RTTN: variants seen among roughly 807,000 people sequenced by gnomAD.
The protein encoded by RTTN is rotatin.
In RTTN, 182 loss-of-function variants were observed where a neutral mutation model predicts 269.2. The ratio of observed to expected loss-of-function variants is 0.68; its 90% CI spans 0.60 to 0.76. The LOEUF is 0.76. Among genes scored for constraint, RTTN ranks in the 30% least tolerant of loss-of-function variants. The pLI is 0.00. For synonymous variants in RTTN, 1,006 were observed against 963.5 expected, an observed-to-expected ratio of 1.04 and a Z score of -0.82; for missense variants, 2,545 against 2,608.6, an observed-to-expected ratio of 0.98 and a Z score of 0.53.
intron 19 of RTTN, 37 bp from the exon 20 acceptor site, chr18:70,140,225 T>A (rs775743412): frequency 8.3e-7 from 1 of 1,200,376 alleles, no homozygotes; most frequent in South Asian, 1.3e-5. Context: ...TTAAAGCACA[T>A]TTTTTGTAGT....
intron 14 of RTTN, among the ~76,000 whole-genome samples, chr18:70,154,131 T>G (rs1329038143): frequency 6.6e-6 from 1 of 152,110 alleles, no homozygotes; most frequent in African/African-American, 2.4e-5. Context: ...ATATTAAAAT[T>G]TAGAATTTTC....
At chr18:70,169,356 C>A (rs1348530823) in intron 11 of RTTN, among the ~76,000 whole-genome samples, 1 of 152,158 alleles carries the variant, frequency 6.6e-6, no homozygotes, top group Non-Finnish European at 1.5e-5. Flanking sequence ...TCTCCTTGAG[C>A]CCTGCACCTT....
Position 70,065,829 on chromosome 18 carries a change from C to T in RTTN, c.4747G>A (p.Gly1583Ser). Residue 1583 changes from glycine (G) to serine (S), a missense_variant and splice_region_variant, in exon 35 of 49, where the codon GGT (glycine) becomes AGT (serine). Coordinates refer to ENST00000640769, the MANE Select transcript of RTTN (RefSeq NM_173630.4). Reference sequence around the variant, plus strand: ...TAGAATGTCTTCACTAAAAGGATACCTTGAGCCACAAACTGGTCATGGGAG... The same window carrying T: ...TAGAATGTCTTCACTAAAAGGATACTTTGAGCCACAAACTGGTCATGGGAG... ...EASHDQFVAQ[G>S]HQESTSPRPP... 3 of 1,580,802 alleles carry T rather than the reference C, an allele frequency of 1.9e-6. No homozygotes were observed. Among genetic ancestry groups the T allele is most frequent in the South Asian group, 1.2e-5 (1 of 84,618 alleles).
At chr18:70,136,576 T>A (rs777946990) in intron 21 of RTTN, among the ~76,000 whole-genome samples, 2 of 151,728 alleles carry the variant, frequency 1.3e-5, no homozygotes. Context: ...ATGAAGAAAT[T>A]TGAATATATA....
At position 70,119,828 on chromosome 18, in the gene RTTN, AC is replaced by A. The variant is rs778448398; in HGVS notation, c.3528+1727del. Reference sequence around the variant, plus strand: ...TTTTGTGTGCTTCTTGTAATTAACTACATAGCTTATTACTGAGTTAATAAAT... The same window carrying A: ...TTTTGTGTGCTTCTTGTAATTAACTAATAGCTTATTACTGAGTTAATAAAT... On this transcript the variant is annotated intron_variant, in intron 26 of 48. Coordinates refer to ENST00000640769, the MANE Select transcript of RTTN (RefSeq NM_173630.4). Among the ~76,000 whole-genome samples, 4 of 152,356 alleles carry A rather than the reference AC, an allele frequency of 2.6e-5. No individual in the cohort carries two copies. In the East Asian group the frequency reaches 5.8e-4, roughly 22 times the overall value.
rs1381141923 is a variant in RTTN, at chr18:70,004,043, T to C, written c.*108A>G. 2 of 757,814 alleles carry C rather than the reference T, an allele frequency of 2.6e-6. No individual in the cohort carries two copies. Among genetic ancestry groups the C allele is most frequent in the Non-Finnish European group, 4.6e-6 (2 of 436,714 alleles). The allele number at this position is 757,814 out of a possible 1,614,324, so 46.9% of individuals were successfully genotyped here. A position where few individuals can be genotyped will look rare whatever the true frequency, so the allele number is the denominator to read the frequency against. On this transcript the variant is annotated 3_prime_UTR_variant, in exon 49 of 49. Transcript: ENST00000640769. ...ATGGGAAAGAAGGGGATCAACACTT[T>C]GTAGAGAGGTAGCACGTCTTCAGGT...
rs1460933717 is a variant in RTTN, at chr18:70,121,705, A to G, written c.3384-5T>C. 2.6e-6 allele frequency: 4 copies of G among 1,535,236 alleles called. No homozygotes were observed. The African/African-American group carries it at 5.7e-5, about 22-fold the overall frequency. On this transcript the variant is annotated splice_region_variant and splice_polypyrimidine_tract_variant and intron_variant, in intron 25 of 48. Transcript: ENST00000640769. ...GCAGGAAGCACCTGTAAAAACCTATAATGAAAAGACAATAATCATGGTTTC... is the reference window on the plus strand; with the variant it reads ...GCAGGAAGCACCTGTAAAAACCTATGATGAAAAGACAATAATCATGGTTTC...
intron 40 of RTTN, among the ~76,000 whole-genome samples, chr18:70,032,101 G>A (rs116997285): frequency 3.3e-5 from 5 of 152,324 alleles, no homozygotes; most frequent in African/African-American, 4.8e-5. Flanking sequence ...GTCTATAGCG[G>A]AGCATGGCCA....
chr18:70,204,395 C>T lies in RTTN; in HGVS notation c.220-132G>A, dbSNP rs1568568815. The T allele has an allele frequency of 4.9e-6, 4 of 808,162 alleles. No homozygotes were observed. The African/African-American group carries it at 7.0e-5, about 14-fold the overall frequency. The allele number at this position is 808,162 out of a possible 1,614,324, so 50.1% of individuals were successfully genotyped here. On this transcript the variant is annotated intron_variant, in intron 2 of 48. Transcript: ENST00000640769. The stretch of plus-strand genomic sequence containing the variant: ...GAAAAACAAATCCTTCATGGCTCTG[C>T]CCCGAAGTAAGGCACTTCCATGAGG...
chr18:70,201,190 T>C (rs965882698), intron 4 of RTTN, among the ~76,000 whole-genome samples: 1 of 151,906 alleles, frequency 6.6e-6, no homozygotes, highest in South Asian at 2.1e-4. Flanking sequence ...GGTGAGGAAA[T>C]GGGAAAAGAA....
intron 32 of RTTN, among the ~76,000 whole-genome samples, chr18:70,085,841 G>A (rs1006154397): frequency 1.3e-5 from 2 of 152,154 alleles, no homozygotes; most frequent in Non-Finnish European, 2.9e-5. Context: ...TGGGGGAGGC[G>A]GCTGAGGTTA....
chr18:70,029,971 T>C (rs1035128928), intron 42 of RTTN, 41 bp downstream of exon 42: 2 of 1,383,438 alleles, frequency 1.4e-6, no homozygotes, highest in Non-Finnish European at 2.0e-6. Context: ...GACTGGAGAA[T>C]GGTCTCTATA....
At chr18:70,101,847 TCAGGAG>T (rs2059176503) in intron 28 of RTTN, among the ~76,000 whole-genome samples, 1 of 152,232 alleles carries the variant, frequency 6.6e-6, no homozygotes, top group Admixed American at 6.5e-5. Context: ...CAGTAGTCAT[TCAGGAG>T]CAGGTTGTTC....
intron 14 of RTTN, among the ~76,000 whole-genome samples, chr18:70,159,653 A>C (rs1289924420): frequency 2.0e-5 from 3 of 152,158 alleles, no homozygotes; most frequent in Non-Finnish European, 4.4e-5. Flanking sequence ...TTGGTTCTCC[A>C]AAAGAATATA....
At chr18:70,070,524 A>G (rs1352389867) in intron 34 of RTTN, among the ~76,000 whole-genome samples, 1 of 152,114 alleles carries the variant, frequency 6.6e-6, no homozygotes, top group Non-Finnish European at 1.5e-5. Context: ...CTATAAAACA[A>G]TTTTAACTAC....
intron 14 of RTTN, 46 bp downstream of exon 14, chr18:70,166,013 TCTA>T (rs752466699): frequency 6.3e-7 from 1 of 1,588,130 alleles, no homozygotes; most frequent in Admixed American, 1.7e-5. Flanking sequence ...AACAAGAGAG[TCTA>T]CTATTTGTTC....
At chr18:70,026,411 C>T (rs2056854712) in intron 43 of RTTN, among the ~76,000 whole-genome samples, 3 of 152,046 alleles carry the variant, frequency 2.0e-5, no homozygotes, top group Admixed American at 6.6e-5. Context: ...CTCATGAGAT[C>T]TGGTCATTTA....
intron 5 of RTTN, 130 bp downstream of exon 5, chr18:70,199,284 C>A: frequency 2.1e-6 from 1 of 469,082 alleles, no homozygotes; most frequent in Non-Finnish European, 3.6e-6. Context: ...AAATAAAAAT[C>A]ATTTAAATAT....
intron 45 of RTTN, 62 bp downstream of exon 45, chr18:70,020,553 T>A: frequency 7.3e-7 from 1 of 1,371,910 alleles, no homozygotes; most frequent in Admixed American, 2.1e-5. Flanking sequence ...TGTAAACTTT[T>A]GATTGGAAAG....
Sources: allele counts gnomAD v4.1 joint callset (sites outside exome capture counted in the v4.1 genomes callset), GRCh38; gene constraint gnomAD v4.1.1; transcripts MANE v1.5; gene names NCBI Gene and HGNC (gene_info 2026-07-23, HGNC 2026-07-21).